Variants in EYA2 observed in about 807,000 individuals in gnomAD.
EYA2 encodes the protein protein phosphatase EYA2.
EYA2 carries 31 observed loss-of-function variants against 69.2 expected under a neutral mutation model. The ratio of observed to expected loss-of-function variants is 0.45; its 90% CI spans 0.34 to 0.60. EYA2 has a LOEUF of 0.60. Ranked by LOEUF, EYA2 falls within the 20% of genes least tolerant of loss-of-function variation. EYA2 has a pLI of 0.02. For synonymous variants in EYA2, 257 were observed against 279.4 expected, an observed-to-expected ratio of 0.92 and a Z score of 0.80; for missense variants, 622 against 701.2, an observed-to-expected ratio of 0.89 and a Z score of 1.28.
intron 1 of EYA2, among the ~76,000 whole-genome samples, chr20:46,988,842 A>G (rs1273684625): frequency 2.6e-5 from 4 of 152,116 alleles, no homozygotes; most frequent in African/African-American, 9.7e-5. Context: ...AGCTGGGACT[A>G]CAGGCATGTG....
At chr20:46,999,593 G>A (rs112722863) in intron 2 of EYA2, among the ~76,000 whole-genome samples, 35 of 152,310 alleles carry the variant, frequency 2.3e-4, no homozygotes, top group African/African-American at 8.2e-4. Flanking sequence ...AATACCTGCT[G>A]CCATCGTATA....
At chr20:46,902,832 A>G (rs1372107561) in intron 1 of EYA2, among the ~76,000 whole-genome samples, 1 of 152,206 alleles carries the variant, frequency 6.6e-6, no homozygotes, top group African/African-American at 2.4e-5. Context: ...CTCTTGCCCT[A>G]TAACCGCAGG....
intron 4 of EYA2, among the ~76,000 whole-genome samples, chr20:47,009,480 A>T (rs1272375125): frequency 2.0e-5 from 3 of 152,262 alleles, no homozygotes; most frequent in Admixed American, 6.5e-5. Flanking sequence ...AATATTAAAG[A>T]CATACATAAT....
chr20:47,117,265 C>A, intron 9 of EYA2: 1 of 570,004 alleles, frequency 1.8e-6, no homozygotes, highest in Non-Finnish European at 2.2e-6. Context: ...CCGCCTGGGC[C>A]TTCCAAAGTG....
Position 47,188,044 on chromosome 20 carries a change from G to A in EYA2, c.1537-9G>A. ...GCCATAACCTTGTGGCTGGTGTTCT[G>A]TGTTTCAGCACAACATGCCTTTCTG... On this transcript the variant is annotated splice_polypyrimidine_tract_variant and intron_variant, in intron 15 of 15. Coordinates refer to ENST00000327619, the MANE Select transcript of EYA2 (RefSeq NM_005244.5). 2 of 1,559,044 alleles carry A rather than the reference G, an allele frequency of 1.3e-6. No homozygotes were observed. Among genetic ancestry groups the A allele is most frequent in the Non-Finnish European group, 1.7e-6 (2 of 1,151,196 alleles).
intron 5 of EYA2, among the ~76,000 whole-genome samples, chr20:47,032,665 A>G (rs1984482836): frequency 6.6e-6 from 1 of 152,232 alleles, no homozygotes; most frequent in Non-Finnish European, 1.5e-5. Context: ...GCAGTACTGC[A>G]TCGAGAAAGC....
At chr20:47,177,049 C>T (rs1474937187) in intron 12 of EYA2, among the ~76,000 whole-genome samples, 1 of 152,138 alleles carries the variant, frequency 6.6e-6, no homozygotes, top group Non-Finnish European at 1.5e-5. Flanking sequence ...CTGCCCGCCT[C>T]GGCCTCCAAA....
intron 1 of EYA2, among the ~76,000 whole-genome samples, chr20:46,926,070 C>T (rs983949930): frequency 1.3e-5 from 2 of 152,120 alleles, no homozygotes; most frequent in African/African-American, 2.4e-5. Flanking sequence ...TGCTACTATT[C>T]GTTTAAGAAG....
At chr20:46,929,293 G>A (rs1985560243) in intron 1 of EYA2, among the ~76,000 whole-genome samples, 1 of 152,124 alleles carries the variant, frequency 6.6e-6, no homozygotes, top group Non-Finnish European at 1.5e-5. Context: ...TGAAGGAACT[G>A]GGAACTGTTT....
At chr20:47,042,986 A>G (rs1985163415) in intron 5 of EYA2, among the ~76,000 whole-genome samples, 1 of 152,180 alleles carries the variant, frequency 6.6e-6, no homozygotes, top group African/African-American at 2.4e-5. Flanking sequence ...TTTCTTAACA[A>G]GAAAGGAGAG....
At chr20:46,920,599 A>G (rs999215699) in intron 1 of EYA2, among the ~76,000 whole-genome samples, 10 of 152,174 alleles carry the variant, frequency 6.6e-5, no homozygotes, top group Admixed American at 3.9e-4. Flanking sequence ...GACAACTTCA[A>G]GCTCCTCTGG....
intron 1 of EYA2, among the ~76,000 whole-genome samples, chr20:46,962,225 CTA>C (rs1167773701): frequency 6.6e-6 from 1 of 152,102 alleles, no homozygotes; most frequent in Non-Finnish European, 1.5e-5. Context: ...TGGGGTCTTG[CTA>C]TGTTGCCCAG....
rs561217800 is a variant in EYA2, at chr20:46,968,484, T to C, written c.-10-21517T>C. On this transcript the variant is annotated intron_variant, in intron 1 of 15. Coordinates refer to ENST00000327619, the MANE Select transcript of EYA2 (RefSeq NM_005244.5). ...ACGCCCAAGGGTTGCGGCTGTATCT[T>C]TTAACCGTCACCCTATACTGCCCCC... Among the ~76,000 whole-genome samples the C allele has an allele frequency of 2.0e-5, 3 of 152,306 alleles. No homozygotes were observed. In the East Asian group the frequency reaches 5.8e-4, roughly 29 times the overall value.
chr20:47,169,180 CA>C lies in EYA2; in HGVS notation c.1022del (p.Asn341MetfsTer5), dbSNP rs1474072392. On this transcript the variant is annotated frameshift_variant, in exon 11 of 16. Coordinates refer to ENST00000327619, the MANE Select transcript of EYA2 (RefSeq NM_005244.5). LOFTEE classifies it high-confidence loss of function. ...ACGTTGATGACGTCTCATCAGATGA[CA>C]ATGGCCAAGATTTAAGGTGGGAATT... ...IHVDDVSSDD[N>X]GQDLSTYNFS... is the part of the protein sequence containing the mutation. 6.2e-7 allele frequency: 1 copy of C among 1,613,870 alleles called. No individual in the cohort carries two copies. The highest frequency in any genetic ancestry group is 8.5e-7 in the Non-Finnish European group (1 of 1,179,972).
At chr20:47,162,420 A>G (rs564264127) in intron 10 of EYA2, among the ~76,000 whole-genome samples, 2 of 152,192 alleles carry the variant, frequency 1.3e-5, no homozygotes, top group African/African-American at 4.8e-5. Flanking sequence ...TCCCTAGTCC[A>G]ATACTAGTTT....
intron 6 of EYA2, among the ~76,000 whole-genome samples, chr20:47,073,053 A>G (rs1290284322): frequency 6.6e-6 from 1 of 152,226 alleles, no homozygotes; most frequent in Non-Finnish European, 1.5e-5. Flanking sequence ...TAAATAAAAC[A>G]GTACTTTTTA....
chr20:47,084,008 G>A (rs1287971379), intron 7 of EYA2, among the ~76,000 whole-genome samples: 2 of 152,228 alleles, frequency 1.3e-5, no homozygotes, highest in Admixed American at 6.5e-5. Context: ...CACTTTGGGA[G>A]GCCAAGGCAG....
intron 1 of EYA2, among the ~76,000 whole-genome samples, chr20:46,967,279 A>G (rs1165321300): frequency 6.6e-6 from 1 of 152,258 alleles, no homozygotes; most frequent in African/African-American, 2.4e-5. Context: ...TGGGATTACA[A>G]GCTGGAGCCA....
At chr20:46,929,987 T>C (rs1985597325) in intron 1 of EYA2, among the ~76,000 whole-genome samples, 2 of 152,236 alleles carry the variant, frequency 1.3e-5, no homozygotes. Flanking sequence ...TCTTTTCCAT[T>C]GCTAAGATTT....
Sources: allele counts gnomAD v4.1 joint callset (sites outside exome capture counted in the v4.1 genomes callset), GRCh38; gene constraint gnomAD v4.1.1; transcripts MANE v1.5; gene names NCBI Gene and HGNC (gene_info 2026-07-23, HGNC 2026-07-21).